KCNIP4: variants seen among roughly 807,000 people sequenced by gnomAD.
The protein encoded by KCNIP4 is potassium voltage-gated channel interacting protein 4.
Under a neutral mutation model 34.0 loss-of-function variants are expected in KCNIP4, and 12 were observed. The observed-to-expected ratio is 0.35, with a 90% CI of 0.23 to 0.57. The LOEUF is 0.57. Among genes scored for constraint, KCNIP4 ranks in the 20% least tolerant of loss-of-function variants. KCNIP4 has a pLI of 0.83. For missense variants in KCNIP4, 238 were observed against 311.7 expected (o/e 0.76, Z 1.78); for synonymous variants, 124 against 102.2 (o/e 1.21, Z -1.29).
rs939791102 is a variant in KCNIP4 at position 21,819,293 on chromosome 4, A to G, written c.61+129278T>C. 4.6e-5 allele frequency among the ~76,000 whole-genome samples: 7 copies of G among 152,270 alleles called. No individual in the cohort carries two copies. In the East Asian group the frequency reaches 7.7e-4, roughly 17 times the overall value. ...ATGCTGGCCTTCTTTCAGTTCATGGAAACAGGCAGCTCCCCAACCCTCCCA... is the reference window on the plus strand; with the variant it reads ...ATGCTGGCCTTCTTTCAGTTCATGGGAACAGGCAGCTCCCCAACCCTCCCA... On this transcript the variant is annotated intron_variant, in intron 1 of 8. Transcript: ENST00000382152.
At chr4:21,926,843 G>A (rs749861635) in intron 1 of KCNIP4, among the ~76,000 whole-genome samples, 1 of 152,070 alleles carries the variant, frequency 6.6e-6, no homozygotes, top group South Asian at 2.1e-4. Context: ...TTATATTATT[G>A]TAAAATACTA....
At chr4:21,057,148 C>A (rs577265178) in intron 1 of KCNIP4, among the ~76,000 whole-genome samples, 1 of 152,148 alleles carries the variant, frequency 6.6e-6, no homozygotes, top group Non-Finnish European at 1.5e-5. Flanking sequence ...TATGTGGGAA[C>A]TAATTGAACC....
At chr4:21,310,601 G>A (rs1281945178) in intron 1 of KCNIP4, among the ~76,000 whole-genome samples, 7 of 152,042 alleles carry the variant, frequency 4.6e-5, no homozygotes, top group Non-Finnish European at 1.0e-4. Flanking sequence ...GAAGGCAAAG[G>A]CATCACATAA....
chr4:21,320,225 A>T (rs774409920), intron 1 of KCNIP4, among the ~76,000 whole-genome samples: 10 of 152,232 alleles, frequency 6.6e-5, no homozygotes, highest in African/African-American at 9.6e-5. Flanking sequence ...GAAGCAGATA[A>T]GCAGAGTTTG....
intron 5 of KCNIP4, among the ~76,000 whole-genome samples, chr4:20,747,400 G>C (rs1396354352): frequency 6.6e-6 from 1 of 152,124 alleles, no homozygotes; most frequent in African/African-American, 2.4e-5. Context: ...AATTAAGACT[G>C]TGCTGGAATT....
intron 1 of KCNIP4, among the ~76,000 whole-genome samples, chr4:20,978,913 T>G (rs1735750771): frequency 1.3e-5 from 2 of 152,200 alleles, no homozygotes; most frequent in Admixed American, 6.5e-5. Flanking sequence ...AATAAATATT[T>G]ATTAAATGCA....
chr4:21,720,375 T>C (rs1056603929), intron 1 of KCNIP4, among the ~76,000 whole-genome samples: 1 of 152,198 alleles, frequency 6.6e-6, no homozygotes, highest in African/African-American at 2.4e-5. Flanking sequence ...AGCAAATAGA[T>C]GTTAAGAAAA....
chr4:21,844,813 G>A (rs550306557), intron 1 of KCNIP4: 1 of 151,940 alleles, frequency 6.6e-6, no homozygotes, highest in Non-Finnish European at 1.5e-5. Context: ...TGCTGAAATT[G>A]ATAACCCACT....
At chr4:21,843,880 C>T (rs142944181) in intron 1 of KCNIP4, 1 of 152,196 alleles carries the variant, frequency 6.6e-6, no homozygotes, top group East Asian at 1.9e-4. Context: ...CATGAATGAA[C>T]AACACATAAC....
chr4:20,757,434 C>T (rs1453562029), intron 4 of KCNIP4, among the ~76,000 whole-genome samples: 1 of 152,130 alleles, frequency 6.6e-6, no homozygotes, highest in Non-Finnish European at 1.5e-5. Context: ...CCCACTTAAA[C>T]TTATCAGTGG....
At chr4:21,861,314 T>C (rs779371682) in intron 1 of KCNIP4, among the ~76,000 whole-genome samples, 1 of 152,186 alleles carries the variant, frequency 6.6e-6, no homozygotes, top group Non-Finnish European at 1.5e-5. Context: ...AAAGTCAAAT[T>C]AAACCTTGGA....
intron 1 of KCNIP4, among the ~76,000 whole-genome samples, chr4:21,860,595 G>A (rs997057913): frequency 1.3e-5 from 2 of 151,794 alleles, no homozygotes; most frequent in East Asian, 3.9e-4. Flanking sequence ...AGTGGAATTT[G>A]AATTCTGAGA....
chr4:21,545,255 C>A (rs952613349), intron 1 of KCNIP4, among the ~76,000 whole-genome samples: 1 of 152,102 alleles, frequency 6.6e-6, no homozygotes, highest in Admixed American at 6.5e-5. Context: ...ATTAACCACC[C>A]CTTTCCTGGA....
chr4:21,208,878 A>G (rs952878390), intron 1 of KCNIP4, among the ~76,000 whole-genome samples: 1 of 152,122 alleles, frequency 6.6e-6, no homozygotes, highest in African/African-American at 2.4e-5. Flanking sequence ...CCTTCTTCAC[A>G]AGGCAGCAGG....
At chr4:21,546,127 A>G (rs1017716907) in intron 1 of KCNIP4, among the ~76,000 whole-genome samples, 1 of 152,146 alleles carries the variant, frequency 6.6e-6, no homozygotes, top group African/African-American at 2.4e-5. Context: ...GACTAGATTT[A>G]ATCACAAGAT....
rs568288928 is a variant in KCNIP4, at chr4:21,697,701, C to G, written c.61+250870G>C. 4.9e-6 allele frequency: 6 copies of G among 1,236,046 alleles called. No individual in the cohort carries two copies. In the Admixed American group the frequency reaches 1.3e-4, roughly 28 times the overall value. The allele number at this position is 1,236,046 out of a possible 1,614,324, so 76.6% of individuals were successfully genotyped here. On this transcript the variant is annotated intron_variant, in intron 1 of 8. Coordinates refer to ENST00000382152, the MANE Select transcript of KCNIP4 (RefSeq NM_025221.6). ...TGGTGACCAAGTTCTTCTGTGGCAA[C>G]AGACAGGCTGCCGGTTCACACTTGT...
intron 1 of KCNIP4, among the ~76,000 whole-genome samples, chr4:21,691,037 T>C (rs1158073462): frequency 6.6e-6 from 1 of 152,170 alleles, no homozygotes; most frequent in Non-Finnish European, 1.5e-5. Context: ...AGCTTGCTCA[T>C]GCCACTTTCA....
At chr4:21,819,476 G>A (rs1722195954) in intron 1 of KCNIP4, among the ~76,000 whole-genome samples, 1 of 152,098 alleles carries the variant, frequency 6.6e-6, no homozygotes, top group African/African-American at 2.4e-5. Context: ...TTGTTTATCT[G>A]TTTATTGTCT....
intron 1 of KCNIP4, among the ~76,000 whole-genome samples, chr4:21,579,092 C>T (rs753783379): frequency 3.3e-5 from 5 of 152,110 alleles, no homozygotes; most frequent in Non-Finnish European, 7.4e-5. Context: ...TTTAAGACTG[C>T]TTCATATAAA....
Sources: gnomAD v4.1 joint callset for allele counts (sites outside exome capture counted in the v4.1 genomes callset) on GRCh38, gnomAD v4.1.1 for gene constraint, MANE v1.5 for transcripts, NCBI Gene and HGNC (gene_info 2026-07-23, HGNC 2026-07-21) for gene names.